RNF152: variants seen among roughly 807,000 people sequenced by gnomAD.
RNF152 encodes the protein ring finger protein 152, also known as E3 ubiquitin-protein ligase RNF152.
RNF152 carries 11 observed loss-of-function variants against 12.7 expected under a neutral mutation model. The observed-to-expected ratio is 0.86, with a 90% CI of 0.54 to 1.43. RNF152 has a LOEUF of 1.43. Among genes scored for constraint, RNF152 ranks in the 40% most tolerant of loss-of-function variants. RNF152 has a pLI of 0.00. For synonymous variants in RNF152, 113 were observed against 120.3 expected (o/e 0.94, Z 0.40); for missense variants, 255 against 274.8 (o/e 0.93, Z 0.51).
chr18:61,836,946 GT>G (rs1344298378), intron 1 of RNF152, among the ~76,000 whole-genome samples: 1 of 152,182 alleles, frequency 6.6e-6, no homozygotes, highest in African/African-American at 2.4e-5. Flanking sequence ...ATATTTACAT[GT>G]CTCAAAATAT....
intron 1 of RNF152, among the ~76,000 whole-genome samples, chr18:61,868,797 G>A (rs890166196): frequency 2.0e-5 from 3 of 152,188 alleles, no homozygotes; most frequent in African/African-American, 7.2e-5. Flanking sequence ...TAAATCAGTA[G>A]TGTGCCTTGT....
intron 1 of RNF152, among the ~76,000 whole-genome samples, chr18:61,849,054 T>C (rs929743207): frequency 3.9e-5 from 6 of 152,196 alleles, no homozygotes; most frequent in African/African-American, 7.2e-5. Flanking sequence ...CCCGTCATTG[T>C]CAGCTGTGAA....
intron 1 of RNF152, among the ~76,000 whole-genome samples, chr18:61,849,244 TA>T (rs1910867742): frequency 6.6e-6 from 1 of 152,178 alleles, no homozygotes; most frequent in African/African-American, 2.4e-5. Flanking sequence ...CTCCAGTACA[TA>T]ACACATAAAA....
intron 1 of RNF152, among the ~76,000 whole-genome samples, chr18:61,834,882 T>C (rs1345785747): frequency 6.6e-6 from 1 of 152,192 alleles, no homozygotes; most frequent in Non-Finnish European, 1.5e-5. Flanking sequence ...TCTGAATCCA[T>C]GCTTCATAAT....
At chr18:61,848,957 T>C (rs542366790) in intron 1 of RNF152, among the ~76,000 whole-genome samples, 1 of 152,100 alleles carries the variant, frequency 6.6e-6, no homozygotes, top group South Asian at 2.1e-4. Context: ...CACAAACCAA[T>C]AGCCCGTGGA....
At chr18:61,887,250 T>C (rs2144770188) in intron 1 of RNF152, among the ~76,000 whole-genome samples, 1 of 152,318 alleles carries the variant, frequency 6.6e-6, no homozygotes, top group Non-Finnish European at 1.5e-5. Context: ...GAAGGATTAA[T>C]TGGCCTAATG....
intron 1 of RNF152, among the ~76,000 whole-genome samples, chr18:61,863,741 G>T (rs1568285324): frequency 2.0e-5 from 3 of 152,124 alleles, no homozygotes; most frequent in Admixed American, 2.0e-4. Context: ...AGAGGTGGGG[G>T]CATTACACAC....
intron 1 of RNF152, among the ~76,000 whole-genome samples, chr18:61,854,342 T>C (rs909126111): frequency 1.9e-4 from 29 of 152,066 alleles, no homozygotes; most frequent in Admixed American, 8.5e-4. Flanking sequence ...TAAGAAAGTA[T>C]ATGGGGGAAA....
chr18:61,888,656 T>A (rs1326411165), intron 1 of RNF152: 1 of 152,214 alleles, frequency 6.6e-6, no homozygotes, highest in African/African-American at 2.4e-5. Flanking sequence ...CCACTTACAA[T>A]ATTTTTAACT....
chr18:61,823,273 T>C (rs7242295), intron 1 of RNF152, among the ~76,000 whole-genome samples: 24,642 of 152,224 alleles, frequency 0.16, 2,033 homozygotes, highest in Middle Eastern at 0.19. Context: ...AAGCAAAGAA[T>C]CCAGAAAGTG....
intron 1 of RNF152, among the ~76,000 whole-genome samples, chr18:61,890,080 G>A (rs1321458296): frequency 5.3e-5 from 8 of 152,286 alleles, no homozygotes; most frequent in African/African-American, 1.9e-4. Context: ...CATTACAGGT[G>A]GGGGTAGGAC....
At chr18:61,827,447 C>T (rs1490720935) in intron 1 of RNF152, among the ~76,000 whole-genome samples, 1 of 152,154 alleles carries the variant, frequency 6.6e-6, no homozygotes, top group Non-Finnish European at 1.5e-5. Flanking sequence ...AAACAAACAA[C>T]AACAACAAAA....
chr18:61,844,362 T>C (rs543913420), intron 1 of RNF152, among the ~76,000 whole-genome samples: 1 of 152,316 alleles, frequency 6.6e-6, no homozygotes, highest in African/African-American at 2.4e-5. Flanking sequence ...AGCAAATATC[T>C]TTTATAAAAT....
intron 1 of RNF152, among the ~76,000 whole-genome samples, chr18:61,828,820 T>C (rs1347053054): frequency 1.3e-5 from 2 of 152,158 alleles, no homozygotes; most frequent in African/African-American, 4.8e-5. Context: ...GAGAAAAAGA[T>C]AGGGCCCTCT....
chr18:61,859,752 G>A (rs571557255), intron 1 of RNF152, among the ~76,000 whole-genome samples: 1 of 152,164 alleles, frequency 6.6e-6, no homozygotes, highest in East Asian at 1.9e-4. Context: ...GGTGGCAGGC[G>A]CCTGTAATCC....
chr18:61,817,111 T>A (rs1362367828), intron 1 of RNF152, among the ~76,000 whole-genome samples: 6 of 152,204 alleles, frequency 3.9e-5, no homozygotes, highest in Non-Finnish European at 8.8e-5. Context: ...TCAGTTTACA[T>A]ATATGGGTTA....
At chr18:61,827,154 C>T (rs573518796) in intron 1 of RNF152, among the ~76,000 whole-genome samples, 2 of 152,320 alleles carry the variant, frequency 1.3e-5, no homozygotes, top group African/African-American at 2.4e-5. Flanking sequence ...ATAGTCTGAA[C>T]TTTGGCCATA....
At chr18:61,855,886 C>G (rs1911209292) in intron 1 of RNF152, among the ~76,000 whole-genome samples, 1 of 152,160 alleles carries the variant, frequency 6.6e-6, no homozygotes, top group Admixed American at 6.5e-5. Flanking sequence ...GTGACAAAAG[C>G]CTCAAAAATA....
In RNF152 at chr18:61,810,556, G is replaced by C. The variant is rs951065221; in HGVS notation, c.*5296C>G. Reference sequence around the variant, plus strand: ...CCAGCTACTCAGGAGGCTGAGGCAGGAGAATAGCTTGAACCTGGGAGGCGG... The same window carrying C: ...CCAGCTACTCAGGAGGCTGAGGCAGCAGAATAGCTTGAACCTGGGAGGCGG... On this transcript the variant is annotated 3_prime_UTR_variant, in exon 2 of 2. Transcript: ENST00000312828. 2 of 152,344 alleles carry C rather than the reference G, an allele frequency of 1.3e-5. No individual in the cohort carries two copies. The highest frequency in any genetic ancestry group is 4.8e-5 in the African/African-American group (2 of 41,452). The allele number at this position is 152,344 out of a possible 1,614,324, so 9.4% of individuals were successfully genotyped here. A position where few individuals can be genotyped will look rare whatever the true frequency, so the allele number is the denominator to read the frequency against.
Sources: allele counts gnomAD v4.1 joint callset (sites outside exome capture counted in the v4.1 genomes callset), GRCh38; gene constraint gnomAD v4.1.1; transcripts MANE v1.5; gene names NCBI Gene and HGNC (gene_info 2026-07-23, HGNC 2026-07-21).